The following PPP2R2B variants were observed in gnomAD, a reference collection of about 807,000 sequenced individuals.
The protein encoded by PPP2R2B is serine/threonine-protein phosphatase 2A 55 kDa regulatory subunit B beta isoform.
A neutral mutation model predicts 46.0 loss-of-function variants in PPP2R2B; 5 were observed. The ratio of observed to expected loss-of-function variants is 0.11; its 90% CI spans 0.06 to 0.23. PPP2R2B has a LOEUF of 0.23. PPP2R2B is among the 10% of genes least tolerant of loss of function. The probability of loss-of-function intolerance (pLI) is 1.00; values close to 1 mark genes in which losing one functional copy is unlikely to be tolerated. For synonymous variants in PPP2R2B, 215 were observed against 206.7 expected, an observed-to-expected ratio of 1.04 and a Z score of -0.34; for missense variants, 367 against 575.0, an observed-to-expected ratio of 0.64 and a Z score of 3.70.
At chr5:146,798,796 A>G (rs1339983381) in intron 2 of PPP2R2B, among the ~76,000 whole-genome samples, 2 of 152,204 alleles carry the variant, frequency 1.3e-5, no homozygotes, top group Non-Finnish European at 2.9e-5. Flanking sequence ...TTGTAGCTTC[A>G]GGAATTAACT....
At chr5:146,624,467 A>G (rs1253685612) in intron 7 of PPP2R2B, among the ~76,000 whole-genome samples, 1 of 152,116 alleles carries the variant, frequency 6.6e-6, no homozygotes, top group Non-Finnish European at 1.5e-5. Flanking sequence ...AGTACGGCCC[A>G]AATCAATTCA....
Position 146,710,353 on chromosome 5 carries a change from A to T in PPP2R2B, c.71-9211T>A, listed in dbSNP as rs1041922982. On this transcript the variant is annotated intron_variant, in intron 2 of 9. Transcript: ENST00000394411. ...ATGCTGTTCCCCTTAAAATGCACAC[A>T]GCTTCCCCAGGCTGACCAAATCTCC... 3.9e-5 allele frequency among the ~76,000 whole-genome samples: 6 copies of T among 152,204 alleles called. No homozygotes were observed. The South Asian group carries it at 1.2e-3, about 31-fold the overall frequency.
intron 1 of PPP2R2B, among the ~76,000 whole-genome samples, chr5:146,906,384 G>A (rs966623390): frequency 3.3e-5 from 5 of 151,952 alleles, no homozygotes; most frequent in East Asian, 1.9e-4. Flanking sequence ...GTGCAATGGC[G>A]CGATCTCGGC....
Position 146,878,195 on chromosome 5 carries a change from C to A in PPP2R2B, c.-124G>T, listed in dbSNP as rs567463309. On this transcript the variant is annotated splice_region_variant and 5_prime_UTR_variant, in exon 2 of 10. Transcript: ENST00000394411. This position sits in a 1 kb window ranked among gnomAD's most constrained non-coding sequence, Gnocchi z 4.5. ...CAGTGGGACTGCACCATGGTCCGAG[C>A]CTGAGGAGGAGACGGGGAGGCGGAG... The A allele has an allele frequency of 1.9e-6, 3 of 1,582,902 alleles. No individual in the cohort carries two copies. Among genetic ancestry groups the A allele is most frequent in the East Asian group, 2.3e-5 (1 of 43,360 alleles).
intron 2 of PPP2R2B, among the ~76,000 whole-genome samples, chr5:147,072,861 A>T (rs929533478): frequency 2.0e-5 from 3 of 152,236 alleles, no homozygotes; most frequent in Non-Finnish European, 4.4e-5. Flanking sequence ...CTGTGTACCC[A>T]GAAGTCCTAG....
At chr5:146,672,053 C>T (rs534724783) in intron 5 of PPP2R2B, among the ~76,000 whole-genome samples, 7 of 152,076 alleles carry the variant, frequency 4.6e-5, no homozygotes, top group South Asian at 2.1e-4. Flanking sequence ...GTGGTGAAGA[C>T]GGAAGCCAGG....
chr5:147,002,742 G>T lies in PPP2R2B; in HGVS notation c.79+52923C>A, dbSNP rs191362171. 2.0e-5 allele frequency among the ~76,000 whole-genome samples: 3 copies of T among 148,726 alleles called. No homozygotes were observed. In the East Asian group the frequency reaches 5.8e-4, roughly 29 times the overall value. ...ATCACCAGGGTCCAGGGACCATTGCGGGTTCTCGGGCAAGAGATGTTTCTG... is the reference window on the plus strand; with the variant it reads ...ATCACCAGGGTCCAGGGACCATTGCTGGTTCTCGGGCAAGAGATGTTTCTG... On this transcript the variant is annotated intron_variant, in intron 1 of 8. Transcript: ENST00000336640.
intron 1 of PPP2R2B, among the ~76,000 whole-genome samples, chr5:146,984,694 G>C (rs1172657381): frequency 6.6e-6 from 1 of 151,762 alleles, no homozygotes; most frequent in East Asian, 1.9e-4. Context: ...CACCAGCAGT[G>C]TACAAGGGTT....
At chr5:146,910,754 ACT>A (rs1763149736) in intron 1 of PPP2R2B, among the ~76,000 whole-genome samples, 1 of 152,184 alleles carries the variant, frequency 6.6e-6, no homozygotes, top group African/African-American at 2.4e-5. Flanking sequence ...GAAGTTTCTT[ACT>A]TTTTTAAGAA....
At chr5:146,670,651 A>C (rs1009599753) in intron 5 of PPP2R2B, among the ~76,000 whole-genome samples, 7 of 151,918 alleles carry the variant, frequency 4.6e-5, no homozygotes, top group African/African-American at 1.7e-4. Flanking sequence ...ATGTGCCACC[A>C]GGCCTGGCTA....
In PPP2R2B at chr5:147,008,834, C is replaced by T. The variant is rs80283457; in HGVS notation, c.79+46831G>A. ...AGTTTCTGTTTTGTTGATTGTCAAA[C>T]TTTAATCACAGCAAAATAACAGAAA... On this transcript the variant is annotated intron_variant, in intron 1 of 8. Coordinates refer to the PPP2R2B transcript ENST00000336640. Among the ~76,000 whole-genome samples, 726 of 152,252 alleles carry T rather than the reference C, an allele frequency of 4.8e-3. 3 individuals are homozygous for T. The highest frequency in any genetic ancestry group is 7.4e-3 in the Non-Finnish European group (505 of 68,020).
intron 2 of PPP2R2B, among the ~76,000 whole-genome samples, chr5:146,804,264 C>T (rs896239990): frequency 6.6e-6 from 1 of 152,008 alleles, no homozygotes; most frequent in East Asian, 1.9e-4. Context: ...TTTTAAGATA[C>T]ATTATTTAAT....
intron 5 of PPP2R2B, among the ~76,000 whole-genome samples, chr5:146,682,998 A>G (rs1359804986): frequency 6.6e-6 from 1 of 152,202 alleles, no homozygotes; most frequent in East Asian, 1.9e-4. Flanking sequence ...TCATTATGCC[A>G]AAGGGTCTCA....
intron 2 of PPP2R2B, among the ~76,000 whole-genome samples, chr5:146,748,981 T>C (rs1014666810): frequency 6.6e-6 from 1 of 152,216 alleles, no homozygotes; most frequent in African/African-American, 2.4e-5. Flanking sequence ...GCCAAGTTGT[T>C]TTCCAGAATT....
chr5:147,014,437 G>T (rs970650404), intron 1 of PPP2R2B, among the ~76,000 whole-genome samples: 1 of 151,698 alleles, frequency 6.6e-6, no homozygotes, highest in African/African-American at 2.4e-5. Context: ...ACATGCACAC[G>T]TATGTTTATT....
chr5:146,689,254 G>A (rs896637498), intron 5 of PPP2R2B, among the ~76,000 whole-genome samples: 1 of 152,154 alleles, frequency 6.6e-6, no homozygotes, highest in Non-Finnish European at 1.5e-5. Context: ...CCAGGAAGCA[G>A]TGACTATCAT....
intron 2 of PPP2R2B, among the ~76,000 whole-genome samples, chr5:146,844,321 T>C (rs1256054982): frequency 1.3e-5 from 2 of 148,598 alleles, no homozygotes; most frequent in Admixed American, 6.7e-5. Context: ...ACCTGCACAA[T>C]GTGCACATGT....
At chr5:146,983,416 G>C (rs569013104) in intron 1 of PPP2R2B, among the ~76,000 whole-genome samples, 2 of 152,016 alleles carry the variant, frequency 1.3e-5, no homozygotes, top group East Asian at 3.9e-4. Context: ...TCCTGACCTC[G>C]TGATCTGCCC....
At chr5:147,004,570 C>T (rs1464254627) in intron 1 of PPP2R2B, among the ~76,000 whole-genome samples, 1 of 152,182 alleles carries the variant, frequency 6.6e-6, no homozygotes, top group Non-Finnish European at 1.5e-5. Context: ...TGACTTTGCT[C>T]TTTTCACATG....
Sources: allele counts gnomAD v4.1 joint callset (sites outside exome capture counted in the v4.1 genomes callset), GRCh38; gene constraint gnomAD v4.1.1; non-coding constraint Gnocchi (gnomAD v3.1); transcripts MANE v1.5; gene names NCBI Gene and HGNC (gene_info 2026-07-23, HGNC 2026-07-21).